SRPK1: variants seen among roughly 807,000 people sequenced by gnomAD.
SRPK1 encodes the protein SFRS protein kinase 1.
Under a neutral mutation model 89.5 loss-of-function variants are expected in SRPK1, and 52 were observed. The observed-to-expected ratio is 0.58, with a 90% CI of 0.46 to 0.73. The LOEUF is 0.73. Among genes scored for constraint, SRPK1 ranks in the 30% least tolerant of loss-of-function variants. SRPK1 has a pLI of 0.00. For synonymous variants in SRPK1, 255 were observed against 270.2 expected (o/e 0.94, Z 0.55); for missense variants, 603 against 780.6 (o/e 0.77, Z 2.71).
intron 2 of SRPK1, among the ~76,000 whole-genome samples, chr6:35,893,581 G>A (rs1310857988): frequency 6.6e-6 from 1 of 151,774 alleles, no homozygotes; most frequent in Admixed American, 6.6e-5. Flanking sequence ...TATCTTGCAG[G>A]GGGCAAAAAA....
chr6:35,852,617 T>G (rs1292914369), intron 13 of SRPK1, among the ~76,000 whole-genome samples: 1 of 152,206 alleles, frequency 6.6e-6, no homozygotes, highest in Non-Finnish European at 1.5e-5. Flanking sequence ...GTGCTAGAAG[T>G]TATAACCACC....
chr6:35,918,150 A>AAATT (rs1234390602), intron 2 of SRPK1, among the ~76,000 whole-genome samples: 1 of 152,204 alleles, frequency 6.6e-6, no homozygotes, highest in Non-Finnish European at 1.5e-5. Context: ...CAGCTACTTA[A>AAATT]AAGGAGGCTG....
At chr6:35,858,406 T>C (rs370755446) in intron 12 of SRPK1, among the ~76,000 whole-genome samples, 1 of 151,948 alleles carries the variant, frequency 6.6e-6, no homozygotes, top group African/African-American at 2.4e-5. Flanking sequence ...GCACATCAAA[T>C]TTTTAGTATA....
At position 35,867,535 on chromosome 6, in the gene SRPK1, G is replaced by A. The variant is rs933358160; in HGVS notation, c.1512+1475C>T. On this transcript the variant is annotated intron_variant, in intron 12 of 15. Transcript: ENST00000373825. ...AAGATGTCCATTAAAAATAACCTTG[G>A]TCAGGTATGGTGGCTCATGCCTGTA... 3.3e-5 allele frequency among the ~76,000 whole-genome samples: 5 copies of A among 152,268 alleles called. No homozygotes were observed. In the South Asian group the frequency reaches 8.3e-4, roughly 25 times the overall value.
intron 1 of SRPK1, 111 bp downstream of exon 1, chr6:35,920,933 G>T: frequency 7.8e-7 from 1 of 1,277,520 alleles, no homozygotes. Context: ...GTGGAGGGGC[G>T]CCGCACGTCC....
chr6:35,860,037 TG>T (rs897338944), intron 12 of SRPK1, among the ~76,000 whole-genome samples: 1 of 152,004 alleles, frequency 6.6e-6, no homozygotes, highest in African/African-American at 2.4e-5. Context: ...ATTTTTTTTT[TG>T]TATTTTTAGT....
At chr6:35,859,757 G>A (rs977150298) in intron 12 of SRPK1, among the ~76,000 whole-genome samples, 1 of 152,194 alleles carries the variant, frequency 6.6e-6, no homozygotes, top group African/African-American at 2.4e-5. Flanking sequence ...TGAATTCAAT[G>A]GGGTGCAACA....
chr6:35,904,903 C>A (rs1342986705), intron 2 of SRPK1: 2 of 404,884 alleles, frequency 4.9e-6, no homozygotes, highest in Non-Finnish European at 9.9e-6. Context: ...ATTTGGGAGG[C>A]CAAGGTGGTG....
At chr6:35,871,462 A>C (rs1770034097) in intron 8 of SRPK1, among the ~76,000 whole-genome samples, 1 of 152,228 alleles carries the variant, frequency 6.6e-6, no homozygotes, top group South Asian at 2.1e-4. Context: ...AAAACACATA[A>C]TAAAAATTTA....
At chr6:35,894,749 T>TA (rs921714965) in intron 2 of SRPK1, among the ~76,000 whole-genome samples, 12 of 152,108 alleles carry the variant, frequency 7.9e-5, no homozygotes, top group African/African-American at 2.7e-4. Context: ...ATTTTTTTTT[T>TA]AACCTAGTCT....
At chr6:35,894,359 G>C (rs1332324977) in intron 2 of SRPK1, among the ~76,000 whole-genome samples, 1 of 152,208 alleles carries the variant, frequency 6.6e-6, no homozygotes, top group Admixed American at 6.5e-5. Context: ...CCTAAATGTA[G>C]GGGGGAAAAA....
chr6:35,886,886 T>TA, intron 5 of SRPK1, 75 bp from the exon 6 acceptor site: 1 of 777,570 alleles, frequency 1.3e-6, no homozygotes, highest in Non-Finnish European at 2.2e-6. Flanking sequence ...GAAGAATACT[T>TA]ACAGCAAATT....
At position 35,921,029 on chromosome 6, in the gene SRPK1, C is replaced by A; in HGVS notation, c.13+15G>T. 6.5e-7 allele frequency: 1 copy of A among 1,543,860 alleles called. No homozygotes were observed. Among genetic ancestry groups the A allele is most frequent in the Non-Finnish European group, 8.7e-7 (1 of 1,147,654 alleles). On this transcript the variant is annotated intron_variant, in intron 1 of 15. Coordinates refer to ENST00000373825, the MANE Select transcript of SRPK1 (RefSeq NM_003137.5). Reference sequence around the variant, plus strand: ...GACCATTGCCCCTCGTGGCGGAGGCCGCTCCACCGCTCACCTTTCCGCTCC... The same window carrying A: ...GACCATTGCCCCTCGTGGCGGAGGCAGCTCCACCGCTCACCTTTCCGCTCC...
intron 2 of SRPK1, among the ~76,000 whole-genome samples, chr6:35,901,661 TCA>T (rs1322456304): frequency 6.6e-6 from 1 of 152,224 alleles, no homozygotes; most frequent in Non-Finnish European, 1.5e-5. Flanking sequence ...TCTAGAGTTA[TCA>T]CACTTATTTA....
intron 5 of SRPK1, among the ~76,000 whole-genome samples, chr6:35,887,174 T>C (rs950161650): frequency 6.6e-6 from 1 of 152,174 alleles, no homozygotes; most frequent in African/African-American, 2.4e-5. Context: ...ATTTTTTTTT[T>C]CATGGAAAAA....
intron 2 of SRPK1, among the ~76,000 whole-genome samples, chr6:35,895,923 T>C (rs181168050): frequency 8.5e-5 from 13 of 152,358 alleles, no homozygotes; most frequent in African/African-American, 2.9e-4. Flanking sequence ...TAGAGATTCC[T>C]GGAGGGTGGT....
chr6:35,905,105 C>A, intron 2 of SRPK1: 1 of 223,596 alleles, frequency 4.5e-6, no homozygotes, highest in South Asian at 5.1e-5. Context: ...TATGATCACA[C>A]CACTGTACTC....
At position 35,843,267 on chromosome 6, in the gene SRPK1, C is replaced by T. The variant is rs532850130; in HGVS notation, c.1621-663G>A. Among the ~76,000 whole-genome samples, 90 of 148,590 alleles carry T rather than the reference C, an allele frequency of 6.1e-4. 1 individual carries two copies. Among genetic ancestry groups the T allele is most frequent in the African/African-American group, 2.1e-3 (85 of 40,406 alleles). ...ACAGGTGTGAGCCACCACGCCCAGC[C>T]CAGGTCTTTCTTACATTATAATCAC... is the stretch of plus-strand genomic sequence containing the variant. On this transcript the variant is annotated intron_variant, in intron 13 of 15. Coordinates refer to ENST00000373825, the MANE Select transcript of SRPK1 (RefSeq NM_003137.5).
chr6:35,864,206 T>G (rs1435584211), intron 12 of SRPK1, among the ~76,000 whole-genome samples: 1 of 151,920 alleles, frequency 6.6e-6, no homozygotes, highest in Non-Finnish European at 1.5e-5. Flanking sequence ...TCACATGAAG[T>G]TAAACAGCTT....
Sources: gnomAD v4.1 joint callset for allele counts (sites outside exome capture counted in the v4.1 genomes callset) on GRCh38, gnomAD v4.1.1 for gene constraint, MANE v1.5 for transcripts, NCBI Gene and HGNC (gene_info 2026-07-23, HGNC 2026-07-21) for gene names.